Variants in TEAD1 observed in about 807,000 individuals in gnomAD.
TEAD1 encodes the protein transcriptional enhancer factor TEF-1.
In TEAD1, 9 loss-of-function variants were observed where a neutral mutation model predicts 54.9. That is an observed-to-expected ratio of 0.16 (90% CI 0.10 to 0.29). The LOEUF (loss-of-function observed/expected upper bound fraction) is 0.29. Among genes scored for constraint, TEAD1 ranks in the 10% least tolerant of loss-of-function variants. TEAD1 has a pLI of 1.00. For synonymous variants in TEAD1, 200 were observed against 187.8 expected (o/e 1.07, Z -0.53); for missense variants, 387 against 535.9 (o/e 0.72, Z 2.74).
In TEAD1 at chr11:12,937,228, G is replaced by T. The variant is rs757902973; in HGVS notation, c.*6G>T. The T allele has an allele frequency of 1.9e-6, 3 of 1,585,986 alleles. No homozygotes were observed. The highest frequency in any genetic ancestry group is 2.6e-6 in the Non-Finnish European group (3 of 1,155,156). On this transcript the variant is annotated 3_prime_UTR_variant, in exon 13 of 13. Coordinates refer to ENST00000527636, the MANE Select transcript of TEAD1 (RefSeq NM_021961.6). ...ACAGGCTTGTAAAGGACTGAACATG[G>T]TTATTTATATATATAGATATCTGTA...
At chr11:12,863,861 G>A (rs1488682451) in intron 4 of TEAD1, among the ~76,000 whole-genome samples, 3 of 152,096 alleles carry the variant, frequency 2.0e-5, no homozygotes, top group South Asian at 2.1e-4. Context: ...TCCACGCCCC[G>A]GCATCCTGGG....
chr11:12,871,983 A>C (rs1225433746), intron 5 of TEAD1, among the ~76,000 whole-genome samples: 1 of 152,088 alleles, frequency 6.6e-6, no homozygotes, highest in Non-Finnish European at 1.5e-5. Flanking sequence ...TATGAGCTAC[A>C]TGTGCTCCCC....
chr11:12,683,492 C>T (rs1175117124), intron 2 of TEAD1, among the ~76,000 whole-genome samples: 1 of 152,082 alleles, frequency 6.6e-6, no homozygotes, highest in Non-Finnish European at 1.5e-5. Flanking sequence ...GGTAAGCCCT[C>T]ATGATACATC....
chr11:12,821,811 A>G (rs1690944821), intron 3 of TEAD1, among the ~76,000 whole-genome samples: 1 of 151,974 alleles, frequency 6.6e-6, no homozygotes, highest in South Asian at 2.1e-4. Context: ...TCAATAGAGC[A>G]TTGATAAGGC....
At chr11:12,890,843 C>T (rs1403171906) in intron 9 of TEAD1, among the ~76,000 whole-genome samples, 1 of 152,226 alleles carries the variant, frequency 6.6e-6, no homozygotes, top group Non-Finnish European at 1.5e-5. Flanking sequence ...TGGCTCACTG[C>T]AACCTCCACC....
chr11:12,768,739 G>A (rs931511970), intron 3 of TEAD1, among the ~76,000 whole-genome samples: 1 of 152,324 alleles, frequency 6.6e-6, no homozygotes, highest in Admixed American at 6.5e-5. Flanking sequence ...CAGGGATACT[G>A]TAGTGAACCA....
intron 2 of TEAD1, among the ~76,000 whole-genome samples, chr11:12,757,589 C>T (rs183716597): frequency 3.2e-4 from 49 of 152,262 alleles, no homozygotes; most frequent in Admixed American, 2.8e-3. Context: ...AGTCTGTCTC[C>T]TTGTGTCCTC....
chr11:12,725,074 A>G (rs1944287248), intron 2 of TEAD1, among the ~76,000 whole-genome samples: 1 of 152,178 alleles, frequency 6.6e-6, no homozygotes, highest in African/African-American at 2.4e-5. Context: ...CTCTGTTGAT[A>G]TGCCTCAGAA....
chr11:12,892,131 G>A (rs1948209971), intron 9 of TEAD1, among the ~76,000 whole-genome samples: 1 of 152,118 alleles, frequency 6.6e-6, no homozygotes, highest in African/African-American at 2.4e-5. Context: ...GTCAAACGTG[G>A]GCCCAAGGAT....
chr11:12,861,623 CT>C (rs2134066722), intron 3 of TEAD1, among the ~76,000 whole-genome samples: 1 of 152,330 alleles, frequency 6.6e-6, no homozygotes, highest in South Asian at 2.1e-4. Context: ...TAATCCTTGT[CT>C]GTATTTGTTG....
In TEAD1 at chr11:12,793,255, C is replaced by G. The variant is rs75414949; in HGVS notation, c.202+28821C>G. 3.9e-3 allele frequency among the ~76,000 whole-genome samples: 587 copies of G among 152,022 alleles called. 9 individuals are homozygous for G. The highest frequency in any genetic ancestry group is 0.014 in the Middle Eastern group (4 of 294). On this transcript the variant is annotated intron_variant, in intron 3 of 12. Transcript: ENST00000527636. ...AGATACATAATTATTTCTTTAGGAC[C>G]AATTCCAAGAAGTGGAATGGCACAG...
At chr11:12,796,102 C>G (rs773927872) in intron 3 of TEAD1, among the ~76,000 whole-genome samples, 1 of 152,096 alleles carries the variant, frequency 6.6e-6, no homozygotes, top group Admixed American at 6.5e-5. Context: ...AGGAGGGGGG[C>G]TAGTGTACGG....
chr11:12,903,378 G>A (rs1948456856), intron 10 of TEAD1, among the ~76,000 whole-genome samples: 4 of 152,216 alleles, frequency 2.6e-5, no homozygotes, highest in Admixed American at 2.6e-4. Flanking sequence ...AAGCCCAACA[G>A]ATGTGAGAAC....
intron 12 of TEAD1, among the ~76,000 whole-genome samples, chr11:12,933,559 A>G (rs1384410186): frequency 6.6e-6 from 1 of 152,098 alleles, no homozygotes; most frequent in East Asian, 1.9e-4. Context: ...TATTATTTTT[A>G]TTATGTCTTT....
intron 9 of TEAD1, among the ~76,000 whole-genome samples, chr11:12,899,977 T>C (rs1198482154): frequency 1.3e-5 from 2 of 152,242 alleles, no homozygotes; most frequent in African/African-American, 4.8e-5. Flanking sequence ...TTTAAACCAG[T>C]ATTCCTTCAG....
chr11:12,783,031 G>GA (rs1564938115), intron 3 of TEAD1, among the ~76,000 whole-genome samples: 1 of 151,904 alleles, frequency 6.6e-6, no homozygotes, highest in East Asian at 1.9e-4. Flanking sequence ...TCACAAAAGA[G>GA]TAATCACCGT....
chr11:12,807,299 A>C (rs1230937042), intron 3 of TEAD1, among the ~76,000 whole-genome samples: 1 of 152,226 alleles, frequency 6.6e-6, no homozygotes, highest in Non-Finnish European at 1.5e-5. Flanking sequence ...TGTCCGCTCA[A>C]ATACAGTCTT....
chr11:12,880,929 T>G, intron 6 of TEAD1, 76 bp from the exon 7 acceptor site: 1 of 1,520,812 alleles, frequency 6.6e-7, no homozygotes, highest in Non-Finnish European at 9.1e-7. Flanking sequence ...TTAGCAGGGG[T>G]TGTGATGCGT....
chr11:12,788,168 G>T (rs1945719338), intron 3 of TEAD1, among the ~76,000 whole-genome samples: 1 of 144,698 alleles, frequency 6.9e-6, no homozygotes, highest in South Asian at 2.2e-4. Context: ...ACGGAGTCTC[G>T]TTCTGTTACT....
Sources: allele counts gnomAD v4.1 joint callset (sites outside exome capture counted in the v4.1 genomes callset), GRCh38; gene constraint gnomAD v4.1.1; transcripts MANE v1.5; gene names NCBI Gene and HGNC (gene_info 2026-07-23, HGNC 2026-07-21).